The following NEURL1B variants were observed in gnomAD, a reference collection of about 807,000 sequenced individuals.
The protein encoded by NEURL1B is neuralized E3 ubiquitin protein ligase 1B, also known as E3 ubiquitin-protein ligase NEURL1B.
In NEURL1B, 13 loss-of-function variants were observed where a neutral mutation model predicts 37.4. The observed-to-expected ratio is 0.35, with a 90% confidence interval of 0.23 to 0.55. The LOEUF (loss-of-function observed/expected upper bound fraction) is 0.55. NEURL1B is among the 20% of genes least tolerant of loss of function. NEURL1B has a pLI of 0.89. For missense variants in NEURL1B, 790 were observed against 879.2 expected (o/e 0.90, Z 1.28); for synonymous variants, 432 against 426.6 (o/e 1.01, Z -0.16).
intron 1 of NEURL1B, among the ~76,000 whole-genome samples, chr5:172,651,806 A>T (rs922538234): frequency 6.6e-6 from 1 of 152,326 alleles, no homozygotes; most frequent in African/African-American, 2.4e-5. Flanking sequence ...CTTTAAATTG[A>T]TCTGGTATTC....
chr5:172,677,720 C>T (rs964849620), intron 2 of NEURL1B, among the ~76,000 whole-genome samples: 1 of 152,172 alleles, frequency 6.6e-6, no homozygotes, highest in Admixed American at 6.5e-5. Flanking sequence ...TCCCCTCCTG[C>T]CTGCTCATAG....
chr5:172,665,405 G>A lies in NEURL1B; in HGVS notation c.32-4380G>A, dbSNP rs1398770120. Among the ~76,000 whole-genome samples the A allele has an allele frequency of 4.6e-5, 7 of 152,168 alleles. No individual in the cohort carries two copies. The highest frequency in any genetic ancestry group is 1.4e-4 in the African/African-American group (6 of 41,440). On this transcript the variant is annotated intron_variant, in intron 1 of 4. Transcript: ENST00000369800. This position sits in a 1 kb window ranked among gnomAD's most constrained non-coding sequence, Gnocchi z 4.1. ...GGATTTGTCCATTCCTCTTAACCTC[G>A]TGGTTCTAGAGATGGCCCACAGCCT...
At chr5:172,649,153 G>A (rs564468142) in intron 1 of NEURL1B, among the ~76,000 whole-genome samples, 7 of 149,938 alleles carry the variant, frequency 4.7e-5, no homozygotes, top group Non-Finnish European at 7.4e-5. Flanking sequence ...GCTGGACAGC[G>A]GGGAGAACGT....
chr5:172,673,540 C>T (rs1441243801), intron 2 of NEURL1B, among the ~76,000 whole-genome samples: 1 of 152,010 alleles, frequency 6.6e-6, no homozygotes, highest in Non-Finnish European at 1.5e-5. Flanking sequence ...GTAGGGTTGT[C>T]AAATCAAGCA....
chr5:172,686,246 A>G lies in NEURL1B; in HGVS notation c.1373A>G (p.Asp458Gly). The G allele has an allele frequency of 6.4e-7, 1 of 1,551,680 alleles. No individual in the cohort carries two copies. The highest frequency in any genetic ancestry group is 2.4e-5 in the East Asian group (1 of 40,916). ...GGCTCCCAGGACGATAGTGATTCAG[A>G]TATGACCTTCAGTGTCAACCAGTCC... ...LSGSQDDSDS[D>G]MTFSVNQSSS... Residue 458 changes from aspartate (D) to glycine (G), a missense_variant, in exon 4 of 5, where the codon GAT becomes GGT. Physicochemically the swap from Asp to Gly is moderately conservative, Grantham distance 94. Around this residue, in one of 3 missense-constraint regions of NEURL1B, gnomAD observed 115 missense variants for 162.6 expected, o/e 0.71. Coordinates refer to ENST00000369800, the MANE Select transcript of NEURL1B (RefSeq NM_001142651.3). The surrounding 1 kb of genome is among the most constrained non-coding windows in gnomAD (Gnocchi z 7.9).
intron 1 of NEURL1B, among the ~76,000 whole-genome samples, chr5:172,663,139 G>A (rs1037307862): frequency 2.6e-5 from 4 of 151,844 alleles, no homozygotes; most frequent in Non-Finnish European, 4.4e-5. Flanking sequence ...ACTTGAGCCC[G>A]GGAGTTTGAG....
At chr5:172,666,078 T>C (rs1758006674) in intron 1 of NEURL1B, among the ~76,000 whole-genome samples, 2 of 152,154 alleles carry the variant, frequency 1.3e-5, no homozygotes, top group Non-Finnish European at 2.9e-5. Flanking sequence ...GCCTCTTGCC[T>C]CCCTCTCCTA....
chr5:172,670,113 G>C lies in NEURL1B; in HGVS notation c.360G>C (p.Pro120=). ...AGGACATCCCCAAGTACGCCTGCCC[G>C]GACCTGGTCACGCGGCCGGGCTACT... ...SAQDIPKYAC[P]DLVTRPGYWA... Residue 120 remains proline, a synonymous_variant, in exon 2 of 5, where the codon CCG becomes CCC. Coordinates refer to ENST00000369800, the MANE Select transcript of NEURL1B (RefSeq NM_001142651.3). 3 of 1,521,694 alleles carry C rather than the reference G, an allele frequency of 2.0e-6. No individual in the cohort carries two copies. The highest frequency in any genetic ancestry group is 2.6e-6 in the Non-Finnish European group (3 of 1,140,502). 94.3% of individuals were successfully genotyped at this position (1,521,694 alleles called of 1,614,324 possible). A position where few individuals can be genotyped will look rare whatever the true frequency, so the allele number is the denominator to read the frequency against.
chr5:172,665,565 G>A lies in NEURL1B; in HGVS notation c.32-4220G>A, dbSNP rs924731757. On this transcript the variant is annotated intron_variant, in intron 1 of 4. Transcript: ENST00000369800. The surrounding 1 kb of genome is among the most constrained non-coding windows in gnomAD (Gnocchi z 4.1). Reference sequence around the variant, plus strand: ...CATGCAGTGCGTTCTGAGCCTCTTGGGCTGGCATTCAGGGCCTTCCCACCT... The same window carrying A: ...CATGCAGTGCGTTCTGAGCCTCTTGAGCTGGCATTCAGGGCCTTCCCACCT... 2.0e-5 allele frequency among the ~76,000 whole-genome samples: 3 copies of A among 152,308 alleles called. No individual in the cohort carries two copies. The highest frequency in any genetic ancestry group is 4.4e-5 in the Non-Finnish European group (3 of 68,028).
At chr5:172,669,739 A>C in intron 1 of NEURL1B, 46 bp from the exon 2 acceptor site, 1 of 1,211,296 alleles carries the variant, frequency 8.3e-7, no homozygotes. Flanking sequence ...CGGGGCCCGC[A>C]GGAGTTCGGA....
intron 1 of NEURL1B, among the ~76,000 whole-genome samples, chr5:172,649,345 C>CTTT (rs70984904): frequency 3.5e-4 from 23 of 65,220 alleles, no homozygotes; most frequent in African/African-American, 8.7e-4. Flanking sequence ...CCCTTCACTT[C>CTTT]TTTTTTTTTT....
rs1221281249 is a variant in NEURL1B, at chr5:172,665,998, G to A, written c.32-3787G>A. On this transcript the variant is annotated intron_variant, in intron 1 of 4. Transcript: ENST00000369800. The surrounding 1 kb of genome is among the most constrained non-coding windows in gnomAD (Gnocchi z 4.1). Reference sequence around the variant, plus strand: ...GAAATGAATGAGCAGTGGAATGAACGTTTTGTCTGCTGCCTGTGCCAGTCC... The same window carrying A: ...GAAATGAATGAGCAGTGGAATGAACATTTTGTCTGCTGCCTGTGCCAGTCC... Among the ~76,000 whole-genome samples the A allele has an allele frequency of 1.3e-5, 2 of 152,164 alleles. No homozygotes were observed. The highest frequency in any genetic ancestry group is 2.4e-5 in the African/African-American group (1 of 41,428).
chr5:172,684,195 T>C, intron 3 of NEURL1B, 57 bp downstream of exon 3: 1 of 1,102,358 alleles, frequency 9.1e-7, no homozygotes, highest in Non-Finnish European at 1.1e-6. Context: ...CCGTGCCGTC[T>C]CACCCCGCTG....
At chr5:172,652,122 C>T (rs575171989) in intron 1 of NEURL1B, among the ~76,000 whole-genome samples, 2 of 152,340 alleles carry the variant, frequency 1.3e-5, no homozygotes, top group African/African-American at 4.8e-5. Flanking sequence ...AAGTTTCTTC[C>T]CTGTCATGAG....
Position 172,684,056 on chromosome 5 carries a change from C to G in NEURL1B, c.1215C>G (p.Arg405=). 7.5e-7 allele frequency: 1 copy of G among 1,328,638 alleles called. No homozygotes were observed. 82.3% of individuals were successfully genotyped at this position (1,328,638 alleles called of 1,614,324 possible). A position where few individuals can be genotyped will look rare whatever the true frequency, so the allele number is the denominator to read the frequency against. ...LLGINGRPRG[R]LLCVDTTQAL... ...GCATCAACGGGCGTCCGCGCGGCCG[C>G]CTGCTGTGCGTCGACACCACGCAGG... The change falls in exon 3 of 5, where the codon CGC becomes CGG. Residue 405 remains arginine, a synonymous_variant. Transcript: ENST00000369800.
At position 172,665,198 on chromosome 5, in the gene NEURL1B, T is replaced by C. The variant is rs547780258; in HGVS notation, c.32-4587T>C. ...GCTTTTGATATGTGGTCATATTTAATGTTTCCTGGAGGATTTGCCAGCTGG... is the reference window on the plus strand; with the variant it reads ...GCTTTTGATATGTGGTCATATTTAACGTTTCCTGGAGGATTTGCCAGCTGG... On this transcript the variant is annotated intron_variant, in intron 1 of 4. Transcript: ENST00000369800. The surrounding 1 kb of genome is among the most constrained non-coding windows in gnomAD (Gnocchi z 4.1). Among the ~76,000 whole-genome samples the C allele has an allele frequency of 1.5e-4, 23 of 152,210 alleles. No individual in the cohort carries two copies. The highest frequency in any genetic ancestry group is 2.5e-4 in the Non-Finnish European group (17 of 68,038).
Position 172,657,655 on chromosome 5 carries a change from G to A in NEURL1B, c.32-12130G>A, listed in dbSNP as rs566263872. On this transcript the variant is annotated intron_variant, in intron 1 of 4. Transcript: ENST00000369800. This position sits in a 1 kb window ranked among gnomAD's most constrained non-coding sequence, Gnocchi z 4.0. Reference sequence around the variant, plus strand: ...GAGGGCTCCTTGGTCAAGTGGTAACGCCGGTGTCTGGGAAGGCACCTGTTA... The same window carrying A: ...GAGGGCTCCTTGGTCAAGTGGTAACACCGGTGTCTGGGAAGGCACCTGTTA... Among the ~76,000 whole-genome samples, 3 of 152,202 alleles carry A rather than the reference G, an allele frequency of 2.0e-5. No individual in the cohort carries two copies. Among genetic ancestry groups the A allele is most frequent in the South Asian group, 2.1e-4 (1 of 4,818 alleles).
intron 2 of NEURL1B, among the ~76,000 whole-genome samples, chr5:172,679,721 C>T (rs1352510160): frequency 3.9e-5 from 6 of 152,228 alleles, no homozygotes; most frequent in Admixed American, 1.3e-4. Context: ...CTTGTAGACA[C>T]GCCAAGCTTC....
rs954857925 is a variant in NEURL1B at position 172,647,260 on chromosome 5, C to T, written c.31+5823C>T. Among the ~76,000 whole-genome samples the T allele has an allele frequency of 4.6e-5, 7 of 152,104 alleles. No individual in the cohort carries two copies. Among genetic ancestry groups the T allele is most frequent in the Middle Eastern group, 3.2e-3 (1 of 316 alleles). ...TAGAGCAGAGAGGGAAGAGGGAGGG[C>T]GCCAGGTCGCAGCCCGACAGGTAGC... On this transcript the variant is annotated intron_variant, in intron 1 of 4. Coordinates refer to ENST00000369800, the MANE Select transcript of NEURL1B (RefSeq NM_001142651.3). This position sits in a 1 kb window ranked among gnomAD's most constrained non-coding sequence, Gnocchi z 4.2.
Sources: gnomAD v4.1 joint callset for allele counts (sites outside exome capture counted in the v4.1 genomes callset) on GRCh38, gnomAD v4.1.1 for gene constraint, gnomAD v4.1.1 regional missense constraint, Gnocchi (gnomAD v3.1) non-coding constraint, MANE v1.5 for transcripts, NCBI Gene and HGNC (gene_info 2026-07-23, HGNC 2026-07-21) for gene names.